The following PTPRD variants were observed in gnomAD, a reference collection of about 807,000 sequenced individuals.
PTPRD encodes the protein protein tyrosine phosphatase receptor type D, also known as receptor-type tyrosine-protein phosphatase delta.
In PTPRD, 34 loss-of-function variants were observed where a neutral mutation model predicts 214.5. The ratio of observed to expected loss-of-function variants is 0.16; its 90% CI spans 0.12 to 0.21. The LOEUF is 0.21. PTPRD is among the 10% of genes least tolerant of loss of function. The pLI is 1.00. For synonymous variants in PTPRD, 1,128 were observed against 845.7 expected (o/e 1.33, Z -5.79); for missense variants, 2,545 against 2,398.7 (o/e 1.06, Z -1.27).
At chr9:8,355,315 G>C (rs933644990) in intron 39 of PTPRD, among the ~76,000 whole-genome samples, 4 of 152,142 alleles carry the variant, frequency 2.6e-5, no homozygotes, top group African/African-American at 9.7e-5. Context: ...CTGCCTGCCA[G>C]AACAGGTTGT....
intron 11 of PTPRD, among the ~76,000 whole-genome samples, chr9:8,850,849 G>C (rs1193134201): frequency 6.6e-6 from 1 of 152,184 alleles, no homozygotes; most frequent in Non-Finnish European, 1.5e-5. Context: ...GAAATCATTA[G>C]AGCATACTCA....
At chr9:8,527,447 TA>T in intron 15 of PTPRD, 94 bp from the exon 16 acceptor site, 2 of 1,084,732 alleles carry the variant, frequency 1.8e-6, no homozygotes, top group South Asian at 2.7e-5. Flanking sequence ...TAAAGCTTTA[TA>T]TACTAAATCA....
intron 9 of PTPRD, among the ~76,000 whole-genome samples, chr9:9,315,389 T>A (rs527259134): frequency 9.3e-4 from 141 of 152,048 alleles, no homozygotes; most frequent in Non-Finnish European, 9.0e-4. Context: ...AAGTAGATAT[T>A]ACTATATGCC....
At chr9:9,952,901 T>C (rs1413128336) in intron 4 of PTPRD, among the ~76,000 whole-genome samples, 1 of 152,106 alleles carries the variant, frequency 6.6e-6, no homozygotes, top group Non-Finnish European at 1.5e-5. Flanking sequence ...TGTAAATATT[T>C]CTTAAATACC....
intron 8 of PTPRD, among the ~76,000 whole-genome samples, chr9:9,461,057 G>A (rs1360935557): frequency 6.6e-6 from 1 of 151,970 alleles, no homozygotes; most frequent in Middle Eastern, 3.4e-3. Flanking sequence ...TTATCCTACA[G>A]GAATAACTCA....
At chr9:8,689,723 G>C (rs953908675) in intron 12 of PTPRD, among the ~76,000 whole-genome samples, 47 of 152,084 alleles carry the variant, frequency 3.1e-4, no homozygotes, top group African/African-American at 1.1e-3. Context: ...TATCACACAG[G>C]ATGTAATATC....
chr9:9,562,474 A>G (rs828839), intron 8 of PTPRD, among the ~76,000 whole-genome samples: 15,164 of 152,082 alleles, frequency 0.1, 938 homozygotes, highest in East Asian at 0.16. Context: ...AAATCCTTCA[A>G]TGGCTTCTCA....
intron 14 of PTPRD, among the ~76,000 whole-genome samples, chr9:8,552,126 G>C (rs1002948505): frequency 1.3e-5 from 2 of 152,098 alleles, no homozygotes; most frequent in Admixed American, 1.3e-4. Context: ...ATGGTCACAG[G>C]CACCTCCTTG....
At chr9:8,894,379 T>A (rs1281993487) in intron 11 of PTPRD, among the ~76,000 whole-genome samples, 2 of 141,140 alleles carry the variant, frequency 1.4e-5, no homozygotes. Context: ...AAAAAAAGTC[T>A]GCAACTGCAT....
chr9:9,650,214 G>T (rs1379016711), intron 7 of PTPRD, among the ~76,000 whole-genome samples: 1 of 152,104 alleles, frequency 6.6e-6, no homozygotes, highest in African/African-American at 2.4e-5. Context: ...GATGTGCCTT[G>T]CTTCCCCATT....
rs115024888 is a variant in PTPRD, at chr9:10,234,406, C to T, written c.-545+106557G>A. Among the ~76,000 whole-genome samples the T allele has an allele frequency of 3.2e-3, 486 of 151,874 alleles. 2 individuals are homozygous for T. Among genetic ancestry groups the T allele is most frequent in the African/African-American group, 0.011 (447 of 41,502 alleles). Reference sequence around the variant, plus strand: ...AAAAGTTAATATTGTTTTTCCTTAACATACATATTTCCCTAAACTATCGCA... The same window carrying T: ...AAAAGTTAATATTGTTTTTCCTTAATATACATATTTCCCTAAACTATCGCA... On this transcript the variant is annotated intron_variant, in intron 3 of 45. Transcript: ENST00000381196.
At chr9:8,622,708 T>C (rs968061381) in intron 14 of PTPRD, among the ~76,000 whole-genome samples, 3 of 151,936 alleles carry the variant, frequency 2.0e-5, no homozygotes, top group Admixed American at 6.6e-5. Context: ...GCTTCTCATA[T>C]ATTGTATGCC....
At chr9:10,040,350 G>A (rs867698182) in intron 3 of PTPRD, among the ~76,000 whole-genome samples, 3 of 151,966 alleles carry the variant, frequency 2.0e-5, no homozygotes, top group Non-Finnish European at 4.4e-5. Flanking sequence ...ACAATCGGTC[G>A]AAACATTTTA....
chr9:9,067,160 G>A (rs1287985560), intron 10 of PTPRD, among the ~76,000 whole-genome samples: 2 of 152,166 alleles, frequency 1.3e-5, no homozygotes, highest in Admixed American at 6.5e-5. Flanking sequence ...AACCTGGGAG[G>A]TGGAGGTTAC....
chr9:8,674,456 C>CAAAAAA (rs57588808), intron 12 of PTPRD, among the ~76,000 whole-genome samples: 1 of 62,332 alleles, frequency 1.6e-5, no homozygotes, highest in Non-Finnish European at 2.8e-5. Context: ...GACGCTGTCT[C>CAAAAAA]AAAAAAAAAA....
chr9:9,344,436 T>C (rs2048038172), intron 9 of PTPRD, among the ~76,000 whole-genome samples: 2 of 152,050 alleles, frequency 1.3e-5, no homozygotes, highest in South Asian at 4.1e-4. Flanking sequence ...ATGGCACATG[T>C]ATGCTTATGT....
At chr9:8,750,153 T>C (rs1021437032) in intron 11 of PTPRD, among the ~76,000 whole-genome samples, 8 of 151,914 alleles carry the variant, frequency 5.3e-5, no homozygotes, top group Non-Finnish European at 7.4e-5. Flanking sequence ...TGCTAGGAGA[T>C]AGAAAAATAC....
intron 9 of PTPRD, among the ~76,000 whole-genome samples, chr9:9,332,239 G>GGA (rs35963082): frequency 1.3e-5 from 2 of 151,664 alleles, no homozygotes; most frequent in Non-Finnish European, 2.9e-5. Context: ...TTTAGCAGGT[G>GGA]GAGAGAGAGA....
In PTPRD at chr9:10,522,454, A is replaced by G. The variant is rs550221537; in HGVS notation, c.-600+89944T>C. Among the ~76,000 whole-genome samples the G allele has an allele frequency of 5.9e-5, 9 of 152,178 alleles. No homozygotes were observed. In the South Asian group the frequency reaches 1.4e-3, roughly 25 times the overall value. On this transcript the variant is annotated intron_variant, in intron 2 of 45. Coordinates refer to ENST00000381196, the MANE Select transcript of PTPRD (RefSeq NM_002839.4). ...TTTATTTTTTAAGACCTCTCACCAC[A>G]TGGTGTAATTTCCAAAAGCTTGAAC... is the stretch of plus-strand genomic sequence containing the variant.
Sources: allele counts gnomAD v4.1 joint callset (sites outside exome capture counted in the v4.1 genomes callset), GRCh38; gene constraint gnomAD v4.1.1; transcripts MANE v1.5; gene names NCBI Gene and HGNC (gene_info 2026-07-23, HGNC 2026-07-21).